The following PLPPR1 variants were observed in gnomAD, a reference collection of about 807,000 sequenced individuals.
The protein encoded by PLPPR1 is phospholipid phosphatase related 1.
A neutral mutation model predicts 33.1 loss-of-function variants in PLPPR1; 10 were observed. The observed-to-expected ratio is 0.30, with a 90% confidence interval of 0.19 to 0.51. The LOEUF (loss-of-function observed/expected upper bound fraction) is 0.51. PLPPR1 is among the 20% of genes least tolerant of loss of function. The probability of loss-of-function intolerance (pLI) is 0.97; values close to 1 mark genes in which losing one functional copy is unlikely to be tolerated. For missense variants in PLPPR1, 304 were observed against 408.1 expected, an observed-to-expected ratio of 0.74 and a Z score of 2.20; for synonymous variants, 151 against 151.0, an observed-to-expected ratio of 1.00 and a Z score of 0.00.
intron 7 of PLPPR1, 97 bp from the exon 8 acceptor site, chr9:101,323,928 T>C: frequency 9.8e-7 from 1 of 1,016,620 alleles, no homozygotes; most frequent in South Asian, 1.4e-5. Flanking sequence ...CTGTGTACCC[T>C]TGAGGAGACA....
chr9:101,147,427 C>A (rs1831534141), intron 1 of PLPPR1, among the ~76,000 whole-genome samples: 3 of 152,110 alleles, frequency 2.0e-5, no homozygotes, highest in Non-Finnish European at 2.9e-5. Context: ...TACTAACTGC[C>A]TTTTTGGCTC....
intron 1 of PLPPR1, among the ~76,000 whole-genome samples, chr9:101,054,394 C>T (rs1830259001): frequency 6.6e-6 from 1 of 150,906 alleles, no homozygotes; most frequent in Non-Finnish European, 1.5e-5. Context: ...CTCATGCATT[C>T]ATTTATTTGG....
chr9:101,136,197 C>G (rs1371269974), intron 1 of PLPPR1, among the ~76,000 whole-genome samples: 2 of 152,202 alleles, frequency 1.3e-5, no homozygotes, highest in Admixed American at 1.3e-4. Flanking sequence ...ATCTCATCTT[C>G]TCTTTCACCA....
chr9:101,114,269 C>A (rs1564148681), intron 1 of PLPPR1, among the ~76,000 whole-genome samples: 1 of 152,190 alleles, frequency 6.6e-6, no homozygotes, highest in Non-Finnish European at 1.5e-5. Flanking sequence ...CTACTATCAT[C>A]CCCAACATAA....
intron 1 of PLPPR1, among the ~76,000 whole-genome samples, chr9:101,120,495 G>A (rs1831165478): frequency 6.6e-6 from 1 of 152,182 alleles, no homozygotes; most frequent in Non-Finnish European, 1.5e-5. Context: ...TCCTTGTGAG[G>A]CATCTTTTTC....
chr9:101,260,838 G>A (rs1247493797), intron 2 of PLPPR1, among the ~76,000 whole-genome samples: 1 of 152,182 alleles, frequency 6.6e-6, no homozygotes, highest in Non-Finnish European at 1.5e-5. Flanking sequence ...GTTAAAGATA[G>A]ATCCTGGGTG....
chr9:101,084,537 G>A (rs910264441), intron 1 of PLPPR1, among the ~76,000 whole-genome samples: 1 of 152,192 alleles, frequency 6.6e-6, no homozygotes, highest in East Asian at 1.9e-4. Flanking sequence ...TAAAGGAGAA[G>A]TAAAGTCTCT....
intron 3 of PLPPR1, among the ~76,000 whole-genome samples, chr9:101,281,125 A>T (rs994323439): frequency 2.0e-5 from 3 of 152,172 alleles, no homozygotes; most frequent in Admixed American, 2.0e-4. Context: ...TCTATATGCC[A>T]ACAATGAACA....
At chr9:101,095,335 G>A (rs1830804022) in intron 1 of PLPPR1, among the ~76,000 whole-genome samples, 1 of 152,134 alleles carries the variant, frequency 6.6e-6, no homozygotes, top group African/African-American at 2.4e-5. Flanking sequence ...TATAGTAGCT[G>A]ATTGTTTGTT....
At chr9:101,059,042 A>T (rs1311754684) in intron 1 of PLPPR1, among the ~76,000 whole-genome samples, 1 of 152,130 alleles carries the variant, frequency 6.6e-6, no homozygotes, top group Non-Finnish European at 1.5e-5. Flanking sequence ...TGATTTTGTG[A>T]TTATCTGTGA....
At chr9:101,143,112 C>A (rs1831475226) in intron 1 of PLPPR1, among the ~76,000 whole-genome samples, 1 of 152,088 alleles carries the variant, frequency 6.6e-6, no homozygotes, top group African/African-American at 2.4e-5. Flanking sequence ...CCCATTACAT[C>A]CAGTTCCTGC....
chr9:101,086,654 G>C (rs1407583968), intron 1 of PLPPR1, among the ~76,000 whole-genome samples: 4 of 152,128 alleles, frequency 2.6e-5, no homozygotes, highest in Non-Finnish European at 4.4e-5. Flanking sequence ...TAGTATCAGA[G>C]GTTTCAGTCA....
rs199553611 is a variant in PLPPR1 at position 101,309,254 on chromosome 9, C to T, written c.429C>T (p.Asn143=). The T allele has an allele frequency of 8.2e-5, 133 of 1,613,962 alleles. No homozygotes were observed. The highest frequency in any genetic ancestry group is 1.6e-4 in the Middle Eastern group (1 of 6,084). Residue 143 remains asparagine, a synonymous_variant, in exon 5 of 8, where the codon AAC becomes AAT. Coordinates refer to ENST00000374874, the MANE Select transcript of PLPPR1 (RefSeq NM_207299.2). ...TTTTTGCTACTGACATTTTTGTAAA[C>T]GCCGGACAAGTGGTCACTGGGCACT... ...FGLFATDIFV[N]AGQVVTGHLT...
intron 1 of PLPPR1, among the ~76,000 whole-genome samples, chr9:101,102,809 T>C: frequency 9.3e-6 from 1 of 108,104 alleles, no homozygotes; most frequent in African/African-American, 3.9e-5. Context: ...CAGCACCTGT[T>C]GTTTCCTGAC....
chr9:101,098,962 A>G (rs187950537), intron 1 of PLPPR1, among the ~76,000 whole-genome samples: 3 of 152,284 alleles, frequency 2.0e-5, no homozygotes, highest in African/African-American at 7.2e-5. Flanking sequence ...TTCTTATACA[A>G]GGACAGGCTC....
intron 1 of PLPPR1, among the ~76,000 whole-genome samples, chr9:101,128,112 T>C (rs1189135814): frequency 1.3e-5 from 2 of 152,150 alleles, no homozygotes; most frequent in African/African-American, 4.8e-5. Context: ...TATTGAGATA[T>C]ATTGTGATAT....
intron 1 of PLPPR1, among the ~76,000 whole-genome samples, chr9:101,043,313 GTATATACACACGTGTA>G (rs1830102815): frequency 1.3e-5 from 2 of 150,774 alleles, no homozygotes; most frequent in Admixed American, 1.3e-4. Context: ...GTATATATGT[GTATATACACACGTGTA>G]TATATACACA....
intron 1 of PLPPR1, among the ~76,000 whole-genome samples, chr9:101,152,986 G>A (rs940015330): frequency 5.9e-5 from 9 of 152,172 alleles, no homozygotes; most frequent in Admixed American, 5.2e-4. Flanking sequence ...AAATTACTTT[G>A]GGCAGAATGG....
intron 1 of PLPPR1, among the ~76,000 whole-genome samples, chr9:101,094,464 C>A (rs1411899008): frequency 5.9e-5 from 9 of 152,042 alleles, no homozygotes; most frequent in Admixed American, 5.9e-4. Flanking sequence ...CTCACCAAAC[C>A]CATGCATAAT....
Sources: gnomAD v4.1 joint callset for allele counts (sites outside exome capture counted in the v4.1 genomes callset) on GRCh38, gnomAD v4.1.1 for gene constraint, MANE v1.5 for transcripts, NCBI Gene and HGNC (gene_info 2026-07-23, HGNC 2026-07-21) for gene names.